The following CALN1 variants were observed in gnomAD, a reference collection of about 807,000 sequenced individuals.
CALN1 encodes the protein calneuron 1, also known as calcium-binding protein 8.
Under a neutral mutation model 30.6 loss-of-function variants are expected in CALN1, and 17 were observed. The ratio of observed to expected loss-of-function variants is 0.56; its 90% CI spans 0.38 to 0.83. CALN1 has a LOEUF of 0.83. Ranked by LOEUF, CALN1 falls within the 40% of genes least tolerant of loss-of-function variation. The pLI, the probability that CALN1 is intolerant of heterozygous loss-of-function variation, is 0.00. For missense variants in CALN1, 291 were observed against 354.9 expected (o/e 0.82, Z 1.45); for synonymous variants, 156 against 131.4 (o/e 1.19, Z -1.28).
At chr7:72,370,714 T>A (rs1162408904) in intron 2 of CALN1, among the ~76,000 whole-genome samples, 1 of 151,950 alleles carries the variant, frequency 6.6e-6, no homozygotes, top group East Asian at 1.9e-4. Context: ...TTTTCTGAGT[T>A]CATGGCTTTT....
intron 6 of CALN1, among the ~76,000 whole-genome samples, chr7:71,792,289 T>C (rs961098065): frequency 6.6e-6 from 1 of 152,156 alleles, no homozygotes; most frequent in African/African-American, 2.4e-5. Flanking sequence ...TGACTTACAG[T>C]GACCCCAGTG....
chr7:72,273,859 T>C (rs1585326948), intron 3 of CALN1, among the ~76,000 whole-genome samples: 1 of 151,812 alleles, frequency 6.6e-6, no homozygotes, highest in East Asian at 1.9e-4. Flanking sequence ...ATACTGAGCC[T>C]ACAAAAAAAC....
chr7:71,857,536 A>G (rs890792366), intron 5 of CALN1, among the ~76,000 whole-genome samples: 4 of 152,090 alleles, frequency 2.6e-5, no homozygotes, highest in African/African-American at 9.7e-5. Context: ...ATTTACCCAC[A>G]TCCATCCTTC....
At chr7:72,377,436 C>CGT (rs138060244) in intron 2 of CALN1, among the ~76,000 whole-genome samples, 10,605 of 142,340 alleles carry the variant, frequency 0.075, 481 homozygotes, top group African/African-American at 0.12. Flanking sequence ...GCCACACTTT[C>CGT]GTGTGTGTGT....
chr7:71,931,593 C>G (rs528378938), intron 5 of CALN1, among the ~76,000 whole-genome samples: 1 of 152,148 alleles, frequency 6.6e-6, no homozygotes, highest in Non-Finnish European at 1.5e-5. Flanking sequence ...TTGGGCCCTA[C>G]GAAAACAGGT....
chr7:72,504,019 G>C, the CALN1 span, among the ~76,000 whole-genome samples: 2 of 152,148 alleles, frequency 1.3e-5, no homozygotes. Context: ...GGAAGGGAGA[G>C]AGAGGAAAAT....
At chr7:72,357,630 A>G (rs561823827) in intron 2 of CALN1, among the ~76,000 whole-genome samples, 1 of 151,624 alleles carries the variant, frequency 6.6e-6, no homozygotes, top group Non-Finnish European at 1.5e-5. Flanking sequence ...GAATCTACAA[A>G]AGCGAGGCCC....
intron 5 of CALN1, among the ~76,000 whole-genome samples, chr7:71,826,393 C>T (rs533959691): frequency 6.6e-6 from 1 of 152,326 alleles, no homozygotes; most frequent in Middle Eastern, 3.4e-3. Flanking sequence ...ATGGAGCAGA[C>T]ATGTGACTCA....
intron 3 of CALN1, among the ~76,000 whole-genome samples, chr7:72,162,235 T>G (rs186485037): frequency 1.2e-3 from 185 of 152,216 alleles, no homozygotes; most frequent in Non-Finnish European, 2.1e-3. Flanking sequence ...CCAATTTCTG[T>G]GCCCTAAATT....
chr7:72,235,099 T>A lies in CALN1; in HGVS notation c.244+43587A>T, dbSNP rs370625913. Among the ~76,000 whole-genome samples, 29 of 151,992 alleles carry A rather than the reference T, an allele frequency of 1.9e-4. No homozygotes were observed. The East Asian group carries it at 5.5e-3, about 29-fold the overall frequency. On this transcript the variant is annotated intron_variant, in intron 3 of 6. Transcript: ENST00000395275. ...ACCACCCTGAGCAATATAGCGAGACTCTGTCTCTGCCAAAAAAACTAAAAA... is the reference window on the plus strand; with the variant it reads ...ACCACCCTGAGCAATATAGCGAGACACTGTCTCTGCCAAAAAAACTAAAAA...
intron 5 of CALN1, among the ~76,000 whole-genome samples, chr7:72,014,391 T>A (rs950124717): frequency 2.0e-5 from 3 of 152,118 alleles, no homozygotes; most frequent in Non-Finnish European, 4.4e-5. Flanking sequence ...CCAGCTGAGT[T>A]TGCCTATTTT....
intron 5 of CALN1, among the ~76,000 whole-genome samples, chr7:71,904,882 T>C (rs1320458218): frequency 2.0e-5 from 3 of 152,194 alleles, no homozygotes; most frequent in African/African-American, 4.8e-5. Flanking sequence ...TGTGTAACAA[T>C]ATACATTTAT....
At chr7:71,790,950 G>A (rs1033215276) in intron 6 of CALN1, among the ~76,000 whole-genome samples, 5 of 152,204 alleles carry the variant, frequency 3.3e-5, no homozygotes, top group South Asian at 2.1e-4. Context: ...AGAAGACTGC[G>A]TAGCAAAAGA....
chr7:71,904,321 A>G (rs1229725675), intron 5 of CALN1, among the ~76,000 whole-genome samples: 1 of 152,216 alleles, frequency 6.6e-6, no homozygotes, highest in Non-Finnish European at 1.5e-5. Context: ...ATGAATGGGT[A>G]AAGAAAATGT....
intron 4 of CALN1, among the ~76,000 whole-genome samples, chr7:72,090,230 A>G (rs1023277799): frequency 5.3e-5 from 8 of 152,162 alleles, no homozygotes; most frequent in African/African-American, 1.9e-4. Flanking sequence ...TGAACCTGGG[A>G]GGCAGAGATT....
intron 5 of CALN1, among the ~76,000 whole-genome samples, chr7:71,929,523 T>C (rs1584534615): frequency 6.6e-6 from 1 of 152,384 alleles, no homozygotes; most frequent in African/African-American, 2.4e-5. Context: ...ACATTTTCTT[T>C]ATCCAGTCTA....
intron 3 of CALN1, among the ~76,000 whole-genome samples, chr7:72,115,630 A>G (rs1261291740): frequency 2.0e-5 from 3 of 151,372 alleles, no homozygotes; most frequent in African/African-American, 7.3e-5. Context: ...CTGGGATCAC[A>G]GGTATGTGCC....
chr7:72,089,175 AAAAGAG>A (rs1372373509), intron 4 of CALN1, among the ~76,000 whole-genome samples: 1 of 152,190 alleles, frequency 6.6e-6, no homozygotes, highest in Non-Finnish European at 1.5e-5. Context: ...CAAAGAACAG[AAAAGAG>A]AAAGAGATAA....
At chr7:72,233,730 A>G (rs1339365983) in intron 3 of CALN1, among the ~76,000 whole-genome samples, 1 of 152,180 alleles carries the variant, frequency 6.6e-6, no homozygotes, top group East Asian at 1.9e-4. Flanking sequence ...TAGGCCAGGC[A>G]TGCTGGCTCA....
Sources: gnomAD v4.1 joint callset for allele counts (sites outside exome capture counted in the v4.1 genomes callset) on GRCh38, gnomAD v4.1.1 for gene constraint, MANE v1.5 for transcripts, NCBI Gene and HGNC (gene_info 2026-07-23, HGNC 2026-07-21) for gene names.